TRRAP: variants seen among roughly 807,000 people sequenced by gnomAD.
TRRAP encodes the protein transformation/transcription domain associated protein, also known as transformation/transcription domain-associated protein.
In TRRAP, 41 loss-of-function variants were observed where a neutral mutation model predicts 438.8. The observed-to-expected ratio is 0.09, with a 90% CI of 0.07 to 0.12. TRRAP has a LOEUF of 0.12. Among genes scored for constraint, TRRAP ranks in the 10% least tolerant of loss-of-function variants. TRRAP has a pLI of 1.00. For synonymous variants in TRRAP, 1,994 were observed against 1,962.9 expected, an observed-to-expected ratio of 1.02 and a Z score of -0.42; for missense variants, 3,122 against 5,055.1, an observed-to-expected ratio of 0.62 and a Z score of 11.60.
rs1375043398 is a variant in TRRAP, at chr7:98,956,770, G to A, written c.6231+237G>A. Among the ~76,000 whole-genome samples the A allele has an allele frequency of 2.0e-5, 3 of 152,158 alleles. No individual in the cohort carries two copies. Among genetic ancestry groups the A allele is most frequent in the Non-Finnish European group, 4.4e-5 (3 of 68,030 alleles). On this transcript the variant is annotated intron_variant, in intron 43 of 72. Coordinates refer to ENST00000456197, the MANE Select transcript of TRRAP (RefSeq NM_001375524.1). This position sits in a 1 kb window ranked among gnomAD's most constrained non-coding sequence, Gnocchi z 4.5. ...TACCATTAAAGTTCTGTTGATGATG[G>A]TTGATTACTTGCAGAAAGGCATCTA... is the stretch of plus-strand genomic sequence containing the variant.
rs1794407351 is a variant in TRRAP at position 99,011,147 on chromosome 7, C to T, written c.11034C>T (p.Asp3678=). 7 of 1,614,066 alleles carry T rather than the reference C, an allele frequency of 4.3e-6. No individual in the cohort carries two copies. Among genetic ancestry groups the T allele is most frequent in the Non-Finnish European group, 5.9e-6 (7 of 1,180,058 alleles). The stretch of plus-strand genomic sequence containing the variant: ...TGCACACCTTCCCCAATGCCACGGA[C>T]TACTGGACGTTCCGGAAGATGTTCA... ...WALHTFPNAT[D]YWTFRKMFTI... is the part of the protein sequence containing the mutation. The change falls in exon 71 of 73, where the codon GAC becomes GAT. Residue 3678 remains aspartate (D), a synonymous_variant. Transcript: ENST00000456197. This position sits in a 1 kb window ranked among gnomAD's most constrained non-coding sequence, Gnocchi z 7.1.
At position 98,958,018 on chromosome 7, in the gene TRRAP, C is replaced by T. The variant is rs1584360078; in HGVS notation, c.6269C>T (p.Ser2090Phe). ...GRSQSLPGAD[S>F]LLAKPIDKQH... Reference sequence around the variant, plus strand: ...AGCCAGTCGCTACCTGGAGCAGACTCTCTCCTCGCCAAGCCCATTGACAAG... The same window carrying T: ...AGCCAGTCGCTACCTGGAGCAGACTTTCTCCTCGCCAAGCCCATTGACAAG... Residue 2090 changes from serine to phenylalanine, a missense_variant, in exon 44 of 73, where the codon TCT (serine) becomes TTT (phenylalanine). Physicochemically the swap from Ser to Phe is radical, Grantham distance 155. This residue lies in a region of TRRAP where 992 missense variants were observed against 1,281.2 expected (regional missense o/e 0.77). Transcript: ENST00000456197. 2 of 1,614,186 alleles carry T rather than the reference C, an allele frequency of 1.2e-6. No homozygotes were observed. Among genetic ancestry groups the T allele is most frequent in the East Asian group, 2.2e-5 (1 of 44,876 alleles).
chr7:98,921,326 T>G (rs1225332571), intron 20 of TRRAP, among the ~76,000 whole-genome samples: 1 of 152,138 alleles, frequency 6.6e-6, no homozygotes, highest in Non-Finnish European at 1.5e-5. Flanking sequence ...AACGGTGTGT[T>G]TGGGTAACAG....
At chr7:98,987,899 T>C (rs929936325) in intron 62 of TRRAP, among the ~76,000 whole-genome samples, 2 of 152,368 alleles carry the variant, frequency 1.3e-5, no homozygotes, top group South Asian at 4.1e-4. Context: ...GTTGGACTTT[T>C]TTCAAATGGC....
chr7:98,951,925 C>T (rs1187318356), intron 39 of TRRAP, among the ~76,000 whole-genome samples: 1 of 151,998 alleles, frequency 6.6e-6, no homozygotes, highest in Non-Finnish European at 1.5e-5. Context: ...CTTCTCCAGG[C>T]TGTGTCTCCT....
rs1199749027 is a variant in TRRAP, at chr7:98,992,126, T to C, written c.9757-11T>C. The C allele has an allele frequency of 6.2e-7, 1 of 1,613,908 alleles. No homozygotes were observed. The highest frequency in any genetic ancestry group is 1.3e-5 in the African/African-American group (1 of 74,938). On this transcript the variant is annotated splice_polypyrimidine_tract_variant and intron_variant, in intron 64 of 72. Transcript: ENST00000456197. ...GAGCAGCACTGTTTATAACATCTTG[T>C]CTCTGAGCAGGTTGGACGCGTGTAT...
At chr7:99,010,817 C>T (rs1312373534) in intron 70 of TRRAP, among the ~76,000 whole-genome samples, 3 of 152,148 alleles carry the variant, frequency 2.0e-5, no homozygotes, top group African/African-American at 7.2e-5. Context: ...GCAGCTTTGA[C>T]GCAGACCAGC....
chr7:98,974,543 G>A (rs1792563664), intron 53 of TRRAP, among the ~76,000 whole-genome samples: 1 of 152,186 alleles, frequency 6.6e-6, no homozygotes, highest in Non-Finnish European at 1.5e-5. Flanking sequence ...CTTTGGGACA[G>A]TGTGTACATC....
intron 49 of TRRAP, among the ~76,000 whole-genome samples, chr7:98,966,142 T>G (rs986987270): frequency 1.3e-5 from 2 of 151,828 alleles, no homozygotes; most frequent in Non-Finnish European, 2.9e-5. Context: ...CCGTCTCTAC[T>G]AAAAATACAA....
chr7:98,947,345 T>G (rs1201018191), intron 33 of TRRAP, among the ~76,000 whole-genome samples: 2 of 152,248 alleles, frequency 1.3e-5, no homozygotes, highest in African/African-American at 4.8e-5. Context: ...GACAAATACT[T>G]AGTACCAGGA....
intron 62 of TRRAP, among the ~76,000 whole-genome samples, chr7:98,987,810 G>A (rs1793218141): frequency 1.3e-5 from 2 of 152,236 alleles, no homozygotes; most frequent in South Asian, 4.1e-4. Context: ...AGCTGTGGGT[G>A]TTCTGTAGAT....
chr7:98,968,145 G>A (rs993289599), intron 51 of TRRAP, among the ~76,000 whole-genome samples: 1 of 151,896 alleles, frequency 6.6e-6, no homozygotes, highest in African/African-American at 2.4e-5. Context: ...CAGCCTCCCC[G>A]GTAGCTGGGA....
intron 19 of TRRAP, 69 bp downstream of exon 19, chr7:98,915,957 T>C (rs1789500754): frequency 4.4e-6 from 7 of 1,582,492 alleles, no homozygotes; most frequent in African/African-American, 1.3e-5. Context: ...GCCATCCTGA[T>C]TGCTGGGTTT....
intron 3 of TRRAP, among the ~76,000 whole-genome samples, chr7:98,883,519 G>C (rs1795557485): frequency 1.3e-5 from 2 of 152,108 alleles, no homozygotes; most frequent in African/African-American, 4.8e-5. Context: ...TCTTTGTCTA[G>C]TAATTTATAT....
At position 98,989,009 on chromosome 7, in the gene TRRAP, C is replaced by T. The variant is rs761600568; in HGVS notation, c.9591+43C>T. 1.5e-5 allele frequency: 24 copies of T among 1,580,240 alleles called. No homozygotes were observed. In the South Asian group the frequency reaches 2.0e-4, roughly 13 times the overall value. On this transcript the variant is annotated intron_variant, in intron 63 of 72. Transcript: ENST00000456197. ...AGCTTTGACCAGAGGCCATCTGTCA[C>T]CTTCAGATTTGGACAGAAATTTAGC...
At chr7:98,985,864 ACACAACCATTAC>A (rs1793127589) in intron 62 of TRRAP, among the ~76,000 whole-genome samples, 1 of 152,220 alleles carries the variant, frequency 6.6e-6, no homozygotes, top group South Asian at 2.1e-4. Flanking sequence ...TTACAGTGTT[ACACAACCATTAC>A]CACTAGCTAA....
At position 98,984,217 on chromosome 7, in the gene TRRAP, G is replaced by T. The variant is rs759925825; in HGVS notation, c.9147G>T (p.Leu3049=). The change falls in exon 61 of 73, where the codon CTG becomes CTT. Residue 3049 remains leucine, a synonymous_variant. Transcript: ENST00000456197. ...GAAAAATCGCCCGGAAACAAGGACT[G>T]GTCAATGTAGCTCTGGATATATTAA... is the stretch of plus-strand genomic sequence containing the variant. ...QYGKIARKQG[L]VNVALDILSR... 1.9e-6 allele frequency: 3 copies of T among 1,614,116 alleles called. No homozygotes were observed. The highest frequency in any genetic ancestry group is 1.1e-5 in the South Asian group (1 of 91,088).
At chr7:98,962,259 C>T (rs757002202) in intron 46 of TRRAP, 43 bp from the exon 47 acceptor site, 3 of 1,613,246 alleles carry the variant, frequency 1.9e-6, no homozygotes, top group East Asian at 2.2e-5. Flanking sequence ...CTGGTGGGCC[C>T]AAGAGCCATA....
chr7:99,012,817 A>G lies in TRRAP; in HGVS notation c.*462A>G. The G allele has an allele frequency of 6.3e-6, 1 of 157,780 alleles. No individual in the cohort carries two copies. The highest frequency in any genetic ancestry group is 1.4e-5 in the Non-Finnish European group (1 of 71,794). 9.8% of individuals were successfully genotyped at this position (157,780 alleles called of 1,614,324 possible). ...ACAGAAAACTCATTTTGTTTGAGAA[A>G]CAGGAGTTGATGAACCCATCATGCT... is the stretch of plus-strand genomic sequence containing the variant. On this transcript the variant is annotated 3_prime_UTR_variant, in exon 73 of 73. Coordinates refer to ENST00000456197, the MANE Select transcript of TRRAP (RefSeq NM_001375524.1). The surrounding 1 kb of genome is among the most constrained non-coding windows in gnomAD (Gnocchi z 5.9).
Sources: allele counts gnomAD v4.1 joint callset (sites outside exome capture counted in the v4.1 genomes callset), GRCh38; gene constraint gnomAD v4.1.1; regional missense constraint gnomAD v4.1.1; non-coding constraint Gnocchi (gnomAD v3.1); transcripts MANE v1.5; gene names NCBI Gene and HGNC (gene_info 2026-07-23, HGNC 2026-07-21).